Variants in VRK1 observed in about 807,000 individuals in gnomAD.
VRK1 encodes serine/threonine-protein kinase VRK1.
A neutral mutation model predicts 57.1 loss-of-function variants in VRK1; 33 were observed. The ratio of observed to expected loss-of-function variants is 0.58; its 90% CI spans 0.44 to 0.77. The LOEUF is 0.77. Among genes scored for constraint, VRK1 ranks in the 30% least tolerant of loss-of-function variants. The pLI, the probability that VRK1 is intolerant of heterozygous loss-of-function variation, is 0.00. For missense variants in VRK1, 413 were observed against 477.3 expected (o/e 0.87, Z 1.25); for synonymous variants, 137 against 147.8 (o/e 0.93, Z 0.53).
rs118131411 is a variant in VRK1 at position 96,834,386 on chromosome 14, C to T, written c.160+755C>T. ...TATCTTACTCAGAATACTAATAATA[C>T]GACATAGATTAGTGTCACTTGGGAA... On this transcript the variant is annotated intron_variant, in intron 2 of 12. Coordinates refer to ENST00000216639, the MANE Select transcript of VRK1 (RefSeq NM_003384.3). Among the ~76,000 whole-genome samples, 1,106 of 152,164 alleles carry T rather than the reference C, an allele frequency of 7.3e-3. 4 individuals carry two copies. The highest frequency in any genetic ancestry group is 0.017 in the Middle Eastern group (5 of 294).
At chr14:96,835,296 T>C (rs1887170343) in intron 2 of VRK1, among the ~76,000 whole-genome samples, 1 of 152,214 alleles carries the variant, frequency 6.6e-6, no homozygotes, top group Admixed American at 6.5e-5. Context: ...TTTGATACTG[T>C]TTATCTTTGT....
chr14:96,877,426 C>CT (rs934145035), intron 12 of VRK1: 1 of 1,167,142 alleles, frequency 8.6e-7, no homozygotes, highest in Admixed American at 2.3e-5. Flanking sequence ...TAGTCCCTCT[C>CT]TTTTTCCCGC....
At chr14:96,849,203 C>A (rs1433325332) in intron 5 of VRK1, among the ~76,000 whole-genome samples, 1 of 152,082 alleles carries the variant, frequency 6.6e-6, no homozygotes, top group Non-Finnish European at 1.5e-5. Context: ...AAATGGCTTA[C>A]ATGGTGAATT....
At position 96,855,352 on chromosome 14, in the gene VRK1, C is replaced by G. The variant is rs2230532; in HGVS notation, c.705C>G (p.Gly235=). ...TCACGAGCATCGATGCACACAATGG[C>G]GTGGGTATGTCAGTAGTACTGGAGT... The part of the protein sequence containing the change: ...IEFTSIDAHN[G]VAPSRRGDLE... The change falls in exon 8 of 13, where the codon GGC becomes GGG. Residue 235 remains glycine, a synonymous_variant. Coordinates refer to ENST00000216639, the MANE Select transcript of VRK1 (RefSeq NM_003384.3). 1 of 1,613,684 alleles carries G rather than the reference C, an allele frequency of 6.2e-7. No individual in the cohort carries two copies. Among genetic ancestry groups the G allele is most frequent in the Admixed American group, 1.7e-5 (1 of 60,002 alleles).
chr14:96,877,729 C>CGCATCTCAGG, intron 12 of VRK1: 1 of 949,004 alleles, frequency 1.1e-6, no homozygotes, highest in Non-Finnish European at 1.3e-6. Flanking sequence ...AGAGTCTCAG[C>CGCATCTCAGG]TGCGCATCAG....
chr14:96,878,600 A>T (rs1889130539), intron 12 of VRK1, among the ~76,000 whole-genome samples: 1 of 152,188 alleles, frequency 6.6e-6, no homozygotes, highest in Non-Finnish European at 1.5e-5. Flanking sequence ...AGATACACCT[A>T]AACTCATTTT....
chr14:96,848,467 A>C (rs1013184015), intron 5 of VRK1, among the ~76,000 whole-genome samples: 1 of 152,130 alleles, frequency 6.6e-6, no homozygotes, highest in Non-Finnish European at 1.5e-5. Context: ...GTTAGAAAAG[A>C]TTGAGAGGAG....
At chr14:96,871,613 T>C (rs765314087) in intron 11 of VRK1, among the ~76,000 whole-genome samples, 6 of 152,214 alleles carry the variant, frequency 3.9e-5, no homozygotes, top group Non-Finnish European at 7.3e-5. Context: ...TATTTTATAG[T>C]GTCTATTTTT....
At chr14:96,871,134 T>G (rs531408089) in intron 11 of VRK1, among the ~76,000 whole-genome samples, 1 of 152,312 alleles carries the variant, frequency 6.6e-6, no homozygotes, top group South Asian at 2.1e-4. Context: ...TTACAGTAAA[T>G]TCTTAATTTT....
At chr14:96,802,859 G>T (rs1307567068) in intron 1 of VRK1, among the ~76,000 whole-genome samples, 1 of 152,200 alleles carries the variant, frequency 6.6e-6, no homozygotes, top group Admixed American at 6.5e-5. Context: ...TTTGGTGATT[G>T]CAGGTAAAGC....
At chr14:96,808,614 A>T in intron 1 of VRK1, among the ~76,000 whole-genome samples, 1 of 149,848 alleles carries the variant, frequency 6.7e-6, no homozygotes, top group African/African-American at 2.5e-5. Context: ...CTATAGTTTT[A>T]CCTGGTTTTG....
At chr14:96,819,033 A>G (rs376516912) in intron 1 of VRK1, among the ~76,000 whole-genome samples, 4 of 152,312 alleles carry the variant, frequency 2.6e-5, no homozygotes, top group African/African-American at 9.6e-5. Context: ...ATTGCTTTCA[A>G]ATTGTTCCTG....
chr14:96,826,039 A>G lies in VRK1; in HGVS notation c.-5-7428A>G, dbSNP rs149653126. 3.3e-5 allele frequency among the ~76,000 whole-genome samples: 5 copies of G among 152,286 alleles called. No homozygotes were observed. In the East Asian group the frequency reaches 9.6e-4, roughly 29 times the overall value. ...TCATTCAAGCCTTTTTCCTCTCTTC[A>G]GCAGAAGGTTAAAAAAAAATTCCAA... On this transcript the variant is annotated intron_variant, in intron 1 of 12. Coordinates refer to ENST00000216639, the MANE Select transcript of VRK1 (RefSeq NM_003384.3).
intron 3 of VRK1, among the ~76,000 whole-genome samples, chr14:96,843,211 G>T (rs1475093684): frequency 2.6e-5 from 4 of 152,196 alleles, no homozygotes; most frequent in African/African-American, 9.7e-5. Context: ...CAAGGAGAAA[G>T]AAATTTTCTT....
chr14:96,817,672 G>A (rs1487799768), intron 1 of VRK1, among the ~76,000 whole-genome samples: 2 of 152,096 alleles, frequency 1.3e-5, no homozygotes, highest in African/African-American at 4.8e-5. Context: ...TTATTATATA[G>A]TGAACATCCA....
chr14:96,870,938 A>T (rs1048929975), intron 11 of VRK1, among the ~76,000 whole-genome samples: 1 of 152,190 alleles, frequency 6.6e-6, no homozygotes, highest in Non-Finnish European at 1.5e-5. Context: ...TAGACAAATT[A>T]TGCTGACTTT....
At chr14:96,862,474 T>C (rs1888427587) in intron 11 of VRK1, among the ~76,000 whole-genome samples, 2 of 151,708 alleles carry the variant, frequency 1.3e-5, no homozygotes, top group Admixed American at 1.3e-4. Context: ...AGCTGCTTGA[T>C]AGCCATGTAA....
At chr14:96,825,399 T>C (rs1334196679) in intron 1 of VRK1, among the ~76,000 whole-genome samples, 1 of 152,176 alleles carries the variant, frequency 6.6e-6, no homozygotes, top group Non-Finnish European at 1.5e-5. Flanking sequence ...TCCTTTGCAG[T>C]TGGGTGATGT....
chr14:96,863,690 TC>T (rs1381231118), intron 11 of VRK1, among the ~76,000 whole-genome samples: 2 of 152,192 alleles, frequency 1.3e-5, no homozygotes, highest in African/African-American at 4.8e-5. Flanking sequence ...TACCTTTCTT[TC>T]CTTCTCTATT....
Sources: gnomAD v4.1 joint callset for allele counts (sites outside exome capture counted in the v4.1 genomes callset) on GRCh38, gnomAD v4.1.1 for gene constraint, MANE v1.5 for transcripts, NCBI Gene and HGNC (gene_info 2026-07-23, HGNC 2026-07-21) for gene names.